Variants in WNK1 observed in about 807,000 individuals in gnomAD.
WNK1 encodes the protein WNK lysine deficient protein kinase 1, also known as serine/threonine-protein kinase WNK1.
Under a neutral mutation model 222.8 loss-of-function variants are expected in WNK1, and 38 were observed. The observed-to-expected ratio is 0.17, with a 90% CI of 0.13 to 0.22. The LOEUF (loss-of-function observed/expected upper bound fraction) is 0.22. Ranked by LOEUF, WNK1 falls within the 10% of genes least tolerant of loss-of-function variation. WNK1 has a pLI of 1.00. For synonymous variants in WNK1, 1,090 were observed against 1,092.9 expected (o/e 1.00, Z 0.05); for missense variants, 2,348 against 2,918.4 (o/e 0.80, Z 4.50).
intron 5 of WNK1, 64 bp from the exon 6 acceptor site, chr12:859,181 A>G: frequency 2.8e-6 from 4 of 1,408,064 alleles, no homozygotes; most frequent in Non-Finnish European, 4.0e-6. Context: ...CCACATTTGA[A>G]AATTATTTTT....
chr12:757,997 T>C (rs1158725962), intron 1 of WNK1, among the ~76,000 whole-genome samples: 1 of 136,568 alleles, frequency 7.3e-6, no homozygotes, highest in African/African-American at 2.7e-5. Flanking sequence ...ATCGCACCAC[T>C]GCACTCCAGC....
Position 903,526 on chromosome 12 carries a change from G to C in WNK1, c.6643+2856G>C, listed in dbSNP as rs140982159. On this transcript the variant is annotated intron_variant, in intron 26 of 27. Coordinates refer to ENST00000315939, the MANE Select transcript of WNK1 (RefSeq NM_018979.4). The stretch of plus-strand genomic sequence containing the variant: ...CTGAGAGGGAAGAAAGAGAACCAAA[G>C]CTTCTGTTTCTGAAATATAATGTGA... Among the ~76,000 whole-genome samples, 130 of 152,228 alleles carry C rather than the reference G, an allele frequency of 8.5e-4. No individual in the cohort carries two copies. The East Asian group carries it at 0.019, about 22-fold the overall frequency.
At chr12:898,707 G>C (rs1249059048) in intron 25 of WNK1, among the ~76,000 whole-genome samples, 2 of 151,892 alleles carry the variant, frequency 1.3e-5, no homozygotes, top group Non-Finnish European at 2.9e-5. Context: ...CTGGGTAGCT[G>C]GGATTACAGG....
In WNK1 at chr12:862,236, C is replaced by A. The variant is rs772771448; in HGVS notation, c.2105C>A (p.Ser702Tyr). 6.0e-5 allele frequency: 97 copies of A among 1,613,984 alleles called. No homozygotes were observed. The highest frequency in any genetic ancestry group is 8.2e-5 in the Non-Finnish European group (97 of 1,179,994). ...ATACCTTCTACTGTCCAAGCACAGT[C>A]TCAGCCCCATGGGGTATATCCACCC... ...GHIPSTVQAQ[S>Y]QPHGVYPPSS... The change falls in exon 8 of 28, where the codon TCT becomes TAT. Residue 702 changes from serine (S) to tyrosine (Y), a missense_variant. By Grantham distance (144) the Ser-to-Tyr change is moderately radical. Transcript: ENST00000315939.
In WNK1 at chr12:860,963, G is replaced by A. The variant is rs1283393198; in HGVS notation, c.1621-50G>A. On this transcript the variant is annotated intron_variant, in intron 6 of 27. Coordinates refer to ENST00000315939, the MANE Select transcript of WNK1 (RefSeq NM_018979.4). ...TTGGCGGGGGGTGGTGGTGGGGGGT[G>A]TTGTTTTCTTTCAATATACTACTGC... 3.2e-6 allele frequency: 5 copies of A among 1,544,412 alleles called. No homozygotes were observed. In the South Asian group the frequency reaches 3.4e-5, roughly 10 times the overall value.
At chr12:859,161 C>T in intron 5 of WNK1, 84 bp from the exon 6 acceptor site, 2 of 1,198,438 alleles carry the variant, frequency 1.7e-6, no homozygotes, top group South Asian at 1.3e-5. Context: ...CTGCGAATAA[C>T]AATAATTGGC....
intron 1 of WNK1, among the ~76,000 whole-genome samples, chr12:764,358 C>T (rs1210191926): frequency 2.7e-5 from 4 of 146,674 alleles, no homozygotes; most frequent in South Asian, 4.5e-4. Context: ...ATCATTAACA[C>T]AGCACGGTGG....
intron 4 of WNK1, among the ~76,000 whole-genome samples, chr12:850,867 A>G (rs1439756380): frequency 2.6e-5 from 4 of 152,162 alleles, no homozygotes; most frequent in Admixed American, 1.3e-4. Context: ...TTTGTCAAAG[A>G]TCAGATGGTT....
chr12:832,686 G>GTTA (rs1054889961), intron 4 of WNK1, among the ~76,000 whole-genome samples: 1 of 152,204 alleles, frequency 6.6e-6, no homozygotes, highest in Non-Finnish European at 1.5e-5. Context: ...TATTTTGTCA[G>GTTA]TTATTATTAT....
intron 26 of WNK1, chr12:906,421 C>T: frequency 1.0e-6 from 1 of 985,322 alleles, no homozygotes; most frequent in South Asian, 4.7e-5. Context: ...CTTCCTCCTC[C>T]CCTTTGCACC....
intron 1 of WNK1, among the ~76,000 whole-genome samples, chr12:775,037 A>G (rs1942946014): frequency 6.6e-6 from 1 of 152,138 alleles, no homozygotes; most frequent in Non-Finnish European, 1.5e-5. Flanking sequence ...AGTATAGTGA[A>G]TCTTTGAACT....
intron 4 of WNK1, among the ~76,000 whole-genome samples, chr12:839,138 G>A (rs1949425523): frequency 6.6e-6 from 1 of 152,158 alleles, no homozygotes; most frequent in Admixed American, 6.5e-5. Context: ...ACAGGTTAGG[G>A]ATATGGTGTT....
chr12:838,323 C>G (rs891514525), intron 4 of WNK1, among the ~76,000 whole-genome samples: 8 of 152,124 alleles, frequency 5.3e-5, no homozygotes, highest in Non-Finnish European at 1.0e-4. Context: ...GAACTGCCAG[C>G]CTATTTTCCA....
At chr12:907,780 G>A in intron 26 of WNK1, 67 bp from the exon 27 acceptor site, 1 of 1,587,860 alleles carries the variant, frequency 6.3e-7, no homozygotes, top group Non-Finnish European at 8.6e-7. Context: ...ATCCCGTGAA[G>A]TTTTCCCTCT....
At position 752,934 on chromosome 12, in the gene WNK1, C is replaced by T. The variant is rs1299153538; in HGVS notation, c.-632C>T. On this transcript the variant is annotated 5_prime_UTR_variant, in exon 1 of 28. Transcript: ENST00000315939. ...GAGGCTCCGAGGCTCCGGCCCTTCG[C>T]CTCTGGGCGATGGGCGACCTGTGAG... 11 of 152,120 alleles carry T rather than the reference C, an allele frequency of 7.2e-5. No individual in the cohort carries two copies. In the East Asian group the frequency reaches 2.1e-3, roughly 29 times the overall value. The allele number at this position is 152,120 out of a possible 1,614,324, so 9.4% of individuals were successfully genotyped here.
Position 773,258 on chromosome 12 carries a change from C to CA in WNK1, c.759+18946dup, listed in dbSNP as rs911693561. On this transcript the variant is annotated intron_variant, in intron 1 of 27. Transcript: ENST00000315939. ...GGGCAATAAGAGCAAAACTCCATCT[C>CA]AAAAAAAAAAAAGTTCTTTAAAGAA... Among the ~76,000 whole-genome samples the CA allele has an allele frequency of 5.1e-3, 722 of 140,198 alleles. 6 individuals carry two copies. Among genetic ancestry groups the CA allele is most frequent in the African/African-American group, 0.017 (657 of 38,310 alleles). The allele number at this position is 140,198 out of a possible 152,430, so 92.0% of individuals were successfully genotyped here.
chr12:829,211 T>C (rs1404091851), intron 3 of WNK1, among the ~76,000 whole-genome samples: 1 of 152,210 alleles, frequency 6.6e-6, no homozygotes. Flanking sequence ...CTGGAAGCAT[T>C]ACAAAACCTA....
rs1231415179 is a variant in WNK1 at position 827,060 on chromosome 12, A to G, written c.951A>G (p.Lys317=). ...GTLKTYLKRF[K]VMKIKVLRSW... The stretch of plus-strand genomic sequence containing the variant: ...TTTCTAGGTATCTGAAAAGGTTTAA[A>G]GTGATGAAGATCAAAGTTCTAAGAA... The change falls in exon 3 of 28, where the codon AAA becomes AAG. Residue 317 remains lysine (K), a synonymous_variant. Transcript: ENST00000315939. The surrounding 1 kb of genome is among the most constrained non-coding windows in gnomAD (Gnocchi z 4.6). The G allele has an allele frequency of 6.2e-7, 1 of 1,613,474 alleles. No individual in the cohort carries two copies. Among genetic ancestry groups the G allele is most frequent in the Non-Finnish European group, 8.5e-7 (1 of 1,180,040 alleles).
In WNK1 at chr12:897,587, T is replaced by A; in HGVS notation, c.6354T>A (p.Ala2118=). The change falls in exon 25 of 28, where the codon GCT becomes GCA. Residue 2118 remains alanine, a synonymous_variant. Transcript: ENST00000315939. ...VPPAVIIPPA[A]PLSGRRRRPT... ...CTGCTGTTATTATTCCCCCAGCTGC[T>A]CCCCTTTCAGGGAGAAGACGACGAC... 1 of 1,614,052 alleles carries A rather than the reference T, an allele frequency of 6.2e-7. No homozygotes were observed. The highest frequency in any genetic ancestry group is 8.5e-7 in the Non-Finnish European group (1 of 1,179,960).
Sources: gnomAD v4.1 joint callset for allele counts (sites outside exome capture counted in the v4.1 genomes callset) on GRCh38, gnomAD v4.1.1 for gene constraint, Gnocchi (gnomAD v3.1) non-coding constraint, MANE v1.5 for transcripts, NCBI Gene and HGNC (gene_info 2026-07-23, HGNC 2026-07-21) for gene names.